ARFGEF3: variants seen among roughly 807,000 people sequenced by gnomAD.
ARFGEF3 encodes brefeldin A-inhibited guanine nucleotide-exchange protein 3.
Under a neutral mutation model 221.7 loss-of-function variants are expected in ARFGEF3, and 96 were observed. The ratio of observed to expected loss-of-function variants is 0.43; its 90% confidence interval spans 0.37 to 0.51. The LOEUF is 0.51. Among genes scored for constraint, ARFGEF3 ranks in the 20% least tolerant of loss-of-function variants. The probability of loss-of-function intolerance (pLI) is 0.00; values close to 1 mark genes in which losing one functional copy is unlikely to be tolerated. For synonymous variants in ARFGEF3, 1,145 were observed against 1,126.8 expected (o/e 1.02, Z -0.32); for missense variants, 2,410 against 2,789.9 (o/e 0.86, Z 3.07).
intron 10 of ARFGEF3, among the ~76,000 whole-genome samples, chr6:138,256,974 G>T (rs563104802): frequency 6.6e-6 from 1 of 151,928 alleles, no homozygotes; most frequent in African/African-American, 2.4e-5. Flanking sequence ...TTGTAGAGAC[G>T]TGTTGCCCAG....
intron 4 of ARFGEF3, chr6:138,218,163 T>G (rs377205904): frequency 6.2e-7 from 1 of 1,613,978 alleles, no homozygotes; most frequent in Non-Finnish European, 8.5e-7. Flanking sequence ...GAGAATTGCA[T>G]GGTGTGACTG....
intron 2 of ARFGEF3, among the ~76,000 whole-genome samples, chr6:138,200,168 T>C (rs1269447280): frequency 6.6e-6 from 1 of 152,186 alleles, no homozygotes; most frequent in African/African-American, 2.4e-5. Context: ...GTTTATATGG[T>C]ATATCACATT....
chr6:138,328,170 G>C, intron 32 of ARFGEF3, 28 bp downstream of exon 32: 1 of 1,563,130 alleles, frequency 6.4e-7, no homozygotes, highest in Middle Eastern at 1.7e-4. Context: ...AACTCATAGG[G>C]TGCTTATAAA....
chr6:138,171,976 A>C (rs990693860), intron 2 of ARFGEF3, among the ~76,000 whole-genome samples: 1 of 152,140 alleles, frequency 6.6e-6, no homozygotes, highest in Non-Finnish European at 1.5e-5. Flanking sequence ...TATGGTTTCT[A>C]TGTTCTCAGG....
intron 1 of ARFGEF3, among the ~76,000 whole-genome samples, chr6:138,169,485 C>T (rs2114426836): frequency 6.6e-6 from 1 of 152,328 alleles, no homozygotes; most frequent in South Asian, 2.1e-4. Flanking sequence ...GAAAACCATG[C>T]TGATCTGGTT....
At chr6:138,212,624 C>T (rs957695193) in intron 4 of ARFGEF3, among the ~76,000 whole-genome samples, 1 of 152,164 alleles carries the variant, frequency 6.6e-6, no homozygotes, top group Non-Finnish European at 1.5e-5. Context: ...TTGGAACCAA[C>T]CCATATGTCC....
intron 13 of ARFGEF3, among the ~76,000 whole-genome samples, chr6:138,279,659 C>T (rs1452785054): frequency 1.3e-5 from 2 of 152,240 alleles, no homozygotes; most frequent in African/African-American, 4.8e-5. Context: ...GCACGTTCCA[C>T]CTCTGCTTCT....
At chr6:138,265,146 G>A (rs557687711) in intron 12 of ARFGEF3, among the ~76,000 whole-genome samples, 40 of 152,064 alleles carry the variant, frequency 2.6e-4, no homozygotes, top group Admixed American at 3.3e-4. Context: ...CTTGTGATCC[G>A]CCCGCCTTGG....
intron 12 of ARFGEF3, among the ~76,000 whole-genome samples, chr6:138,264,149 G>C (rs1778842301): frequency 6.6e-6 from 1 of 152,132 alleles, no homozygotes; most frequent in African/African-American, 2.4e-5. Context: ...TCCATCTGTT[G>C]AATTGTGACT....
intron 5 of ARFGEF3, among the ~76,000 whole-genome samples, chr6:138,237,918 C>T (rs1778316583): frequency 6.6e-6 from 1 of 152,168 alleles, no homozygotes; most frequent in South Asian, 2.1e-4. Flanking sequence ...CTGTGGCTAC[C>T]CACCAGGTAT....
intron 7 of ARFGEF3, among the ~76,000 whole-genome samples, chr6:138,243,863 T>C (rs1184972585): frequency 6.6e-6 from 1 of 152,180 alleles, no homozygotes; most frequent in Admixed American, 6.5e-5. Flanking sequence ...TAGAGTATTG[T>C]TTCAGTCCCA....
rs1258197750 is a variant in ARFGEF3 at position 138,286,721 on chromosome 6, A to G, written c.2590A>G (p.Ile864Val). The change falls in exon 16 of 34, where the codon ATT becomes GTT. Residue 864 changes from isoleucine to valine, a missense_variant. Around this residue, in one of 5 missense-constraint regions of ARFGEF3, gnomAD observed 594 missense variants for 734.3 expected, o/e 0.81. Coordinates refer to ENST00000251691, the MANE Select transcript of ARFGEF3 (RefSeq NM_020340.5). ...TCCAGGCGTGGCATTTGCTCGCTAT[A>G]TTCTGGTGGGCTGCTGGAAGAACTT... is the stretch of plus-strand genomic sequence containing the variant. ...TVAGVAFARY[I>V]LVGCWKNLID... 6.2e-7 allele frequency: 1 copy of G among 1,613,902 alleles called. No individual in the cohort carries two copies. The highest frequency in any genetic ancestry group is 1.3e-5 in the African/African-American group (1 of 74,918).
At position 138,263,039 on chromosome 6, in the gene ARFGEF3, A is replaced by T; in HGVS notation, c.1556A>T (p.Glu519Val). Residue 519 changes from glutamate (E) to valine (V), a missense_variant, in exon 12 of 34, where the codon GAG becomes GTG. By Grantham distance (121) the Glu-to-Val change is moderately radical. This residue lies in a region of ARFGEF3 where 594 missense variants were observed against 734.3 expected (regional missense o/e 0.81). Transcript: ENST00000251691. ...ACAGGCCAGACCACTCTCGAGGGAG[A>T]GTTGGGTCAGACTACACCCGAGGAC... ...TDTGQTTLEG[E>V]LGQTTPEDHS... The T allele has an allele frequency of 1.2e-6, 2 of 1,611,164 alleles. No homozygotes were observed. The highest frequency in any genetic ancestry group is 1.3e-5 in the African/African-American group (1 of 74,942).
intron 2 of ARFGEF3, among the ~76,000 whole-genome samples, chr6:138,183,990 C>A (rs1476548797): frequency 6.6e-6 from 1 of 152,162 alleles, no homozygotes; most frequent in Non-Finnish European, 1.5e-5. Context: ...GCAGCTTCCA[C>A]CCACAGGGCT....
chr6:138,290,330 A>G (rs1049098404), intron 18 of ARFGEF3, among the ~76,000 whole-genome samples: 7 of 152,228 alleles, frequency 4.6e-5, no homozygotes, highest in African/African-American at 1.7e-4. Flanking sequence ...TTACATTGCT[A>G]TATGTTTATC....
chr6:138,328,132 A>T lies in ARFGEF3; in HGVS notation c.5113A>T (p.Thr1705Ser). Residue 1705 changes from threonine to serine, a missense_variant, in exon 32 of 34, where the codon ACC becomes TCC. Coordinates refer to ENST00000251691, the MANE Select transcript of ARFGEF3 (RefSeq NM_020340.5). Reference protein sequence around the residue: ...LPPDEKPNGHTKKSVSFREIV... With the variant: ...LPPDEKPNGHSKKSVSFREIV... The stretch of plus-strand genomic sequence containing the variant: ...TCCTGATGAAAAACCAAATGGACAC[A>T]CCAAGAAAAGGTAAGTACCTAAATC... 1 of 1,594,598 alleles carries T rather than the reference A, an allele frequency of 6.3e-7. No individual in the cohort carries two copies. Among genetic ancestry groups the T allele is most frequent in the Non-Finnish European group, 8.5e-7 (1 of 1,169,894 alleles).
chr6:138,255,799 T>C, intron 10 of ARFGEF3, 30 bp downstream of exon 10: 2 of 1,472,556 alleles, frequency 1.4e-6, no homozygotes, highest in Non-Finnish European at 1.8e-6. Flanking sequence ...CGCCACCAGG[T>C]TTACAAGGGG....
chr6:138,239,033 T>C (rs902914904), intron 6 of ARFGEF3, among the ~76,000 whole-genome samples: 13 of 152,342 alleles, frequency 8.5e-5, no homozygotes, highest in Admixed American at 5.9e-4. Context: ...AACTAAAAGA[T>C]GGTGGCAGGA....
At chr6:138,242,877 A>G in intron 6 of ARFGEF3, 75 bp from the exon 7 acceptor site, 1 of 1,335,428 alleles carries the variant, frequency 7.5e-7, no homozygotes. Flanking sequence ...GTTTCCTAGA[A>G]TTTTCCCATT....
Sources: allele counts gnomAD v4.1 joint callset (sites outside exome capture counted in the v4.1 genomes callset), GRCh38; gene constraint gnomAD v4.1.1; regional missense constraint gnomAD v4.1.1; transcripts MANE v1.5; gene names NCBI Gene and HGNC (gene_info 2026-07-23, HGNC 2026-07-21).